BCORL1: variants seen among roughly 807,000 people sequenced by gnomAD.
BCORL1 encodes BCL-6 corepressor-like protein 1.
A neutral mutation model predicts 87.6 loss-of-function variants in BCORL1; 7 were observed. That is an observed-to-expected ratio of 0.08 (90% CI 0.05 to 0.15). BCORL1 has a LOEUF of 0.15. Among genes scored for constraint, BCORL1 ranks in the 10% least tolerant of loss-of-function variants. BCORL1 has a pLI of 1.00. For synonymous variants in BCORL1, 591 were observed against 634.4 expected (o/e 0.93, Z 1.03); for missense variants, 1,215 against 1,499.7 (o/e 0.81, Z 3.13).
In BCORL1 at chrX:130,037,458, G is replaced by A. The variant is rs749106770; in HGVS notation, c.4619G>A (p.Arg1540Gln). Residue 1540 changes from arginine (R) to glutamine (Q), a missense_variant, in exon 10 of 14, where the codon CGG becomes CAG. Transcript: ENST00000540052. ...GYTALHEACSRGWTDILNILL... is the reference protein window; with the variant it reads ...GYTALHEACSQGWTDILNILL... ...ACAGCCCTGCATGAGGCTTGTTCCCGGGGCTGGACCGACATCCTGAACATC... is the reference window on the plus strand; with the variant it reads ...ACAGCCCTGCATGAGGCTTGTTCCCAGGGCTGGACCGACATCCTGAACATC... 9 of 1,209,900 alleles carry A rather than the reference G, an allele frequency of 7.4e-6. No homozygotes were observed. The highest frequency in any genetic ancestry group is 1.0e-5 in the Non-Finnish European group (9 of 895,182).
At chrX:130,036,264 T>G (rs1340644741) in intron 9 of BCORL1, among the ~76,000 whole-genome samples, 1 of 105,710 alleles carries the variant, frequency 9.5e-6, no homozygotes, top group Non-Finnish European at 2.0e-5. Context: ...GGATTATCCT[T>G]TTTTTTTTTT....
Position 130,013,168 on chromosome X carries a change from C to T in BCORL1, c.396C>T (p.Ala132=). ...LKLPASDSAE[A]SNSRADCSWT... ...TTCCCGCATCTGACAGCGCCGAGGC[C>T]AGCAACAGCAGGGCCGACTGCTCCT... is the stretch of plus-strand genomic sequence containing the variant. Residue 132 remains alanine (A), a synonymous_variant, in exon 4 of 14, where the codon GCC becomes GCT. Coordinates refer to ENST00000540052, the MANE Select transcript of BCORL1 (RefSeq NM_001379451.1). The T allele has an allele frequency of 8.3e-7, 1 of 1,212,031 alleles. No individual in the cohort carries two copies. Among genetic ancestry groups the T allele is most frequent in the East Asian group, 3.0e-5 (1 of 33,859 alleles).
chrX:130,038,777 C>T (rs138311029), intron 10 of BCORL1, among the ~76,000 whole-genome samples: 1,263 of 111,665 alleles, frequency 0.011, 16 homozygotes, highest in African/African-American at 0.039. Flanking sequence ...CCACCGCGCC[C>T]GGCTTCCCTG....
chrX:130,051,728 T>G lies in BCORL1; in HGVS notation c.4919-132T>G, dbSNP rs1011987207. The G allele has an allele frequency of 2.0e-5, 12 of 586,477 alleles. No individual in the cohort carries two copies. In the East Asian group the frequency reaches 2.5e-4, roughly 12 times the overall value. The allele number at this position is 586,477 out of a possible 1,213,427, so 48.3% of individuals were successfully genotyped here. A position where few individuals can be genotyped will look rare whatever the true frequency, so the allele number is the denominator to read the frequency against. The stretch of plus-strand genomic sequence containing the variant: ...GGAACCGGCAAACCGCATCCCTGAC[T>G]AGGGGCCTGTGGCCTTGTCATTTAC... On this transcript the variant is annotated intron_variant, in intron 12 of 13. Transcript: ENST00000540052.
chrX:129,980,428 G>A (rs1249312137), upstream of BCORL1, among the ~76,000 whole-genome samples: 2 of 112,795 alleles, frequency 1.8e-5, no homozygotes, highest in Non-Finnish European at 3.8e-5. Flanking sequence ...TGGGGGAACG[G>A]TGCGGCCCTG....
intron 8 of BCORL1, among the ~76,000 whole-genome samples, chrX:130,030,824 T>A (rs183614693): frequency 8.9e-6 from 1 of 112,241 alleles, no homozygotes; most frequent in African/African-American, 3.2e-5. Context: ...GTGGGTCCGC[T>A]GCAGTGTTCT....
intron 7 of BCORL1, among the ~76,000 whole-genome samples, chrX:130,027,699 ATTATC>A (rs1018899560): frequency 8.9e-6 from 1 of 112,256 alleles, no homozygotes; most frequent in Non-Finnish European, 1.9e-5. Context: ...TTTTGCATGT[ATTATC>A]TTATTTAATT....
chrX:130,043,784 A>ATTTT (rs1163098654), intron 11 of BCORL1, among the ~76,000 whole-genome samples: 26 of 15,961 alleles, frequency 1.6e-3, no homozygotes, highest in Non-Finnish European at 1.7e-3. Context: ...ATATATATAT[A>ATTTT]TTTTTTTTTT....
intron 6 of BCORL1, among the ~76,000 whole-genome samples, chrX:130,024,720 G>A (rs1930114478): frequency 9.0e-6 from 1 of 111,554 alleles, no homozygotes; most frequent in South Asian, 3.7e-4. Flanking sequence ...ATGTTGTCTG[G>A]TATATTGGAC....
At chrX:129,980,567 T>TGGACCC (rs1333132988), upstream of BCORL1, among the ~76,000 whole-genome samples, 4 of 111,957 alleles carry the variant, frequency 3.6e-5, no homozygotes, top group Non-Finnish European at 7.6e-5. Flanking sequence ...GGCCGGCACC[T>TGGACCC]GGACCCGGAC....
chrX:129,983,668 G>A (rs1480696446), intron 1 of BCORL1, among the ~76,000 whole-genome samples: 1 of 107,298 alleles, frequency 9.3e-6, no homozygotes, highest in Non-Finnish European at 1.9e-5. Context: ...GGATGACTTC[G>A]GAGCGCCCTG....
At position 130,039,134 on chromosome X, in the gene BCORL1, C is replaced by T. The variant is rs962143621; in HGVS notation, c.4695-3C>T. The T allele has an allele frequency of 8.3e-7, 1 of 1,211,362 alleles. No homozygotes were observed. ...TTATCCTCACCCTGTATCACCTCCA[C>T]AGGCCAGTTCATGATGCGGTGGTCA... On this transcript the variant is annotated splice_region_variant and splice_polypyrimidine_tract_variant and intron_variant, in intron 10 of 13. Coordinates refer to ENST00000540052, the MANE Select transcript of BCORL1 (RefSeq NM_001379451.1).
Position 130,015,511 on chromosome X carries a change from G to T in BCORL1, c.2739G>T (p.Lys913Asn), listed in dbSNP as rs755067383. 8.3e-7 allele frequency: 1 copy of T among 1,211,053 alleles called. No individual in the cohort carries two copies. Among genetic ancestry groups the T allele is most frequent in the Admixed American group, 2.2e-5 (1 of 45,949 alleles). Residue 913 changes from lysine to asparagine, a missense_variant, in exon 4 of 14, where the codon AAG becomes AAT. This residue lies in a region of BCORL1 where 861 missense variants were observed against 1,010.0 expected (regional missense o/e 0.85). Transcript: ENST00000540052. Reference protein sequence around the residue: ...TKNKTCRIAAKPYEEQVNPVL... With the variant: ...TKNKTCRIAANPYEEQVNPVL... Reference sequence around the variant, plus strand: ...ACAAAACTTGCCGGATTGCTGCCAAGCCTTATGAAGAACAAGTCAATCCTG... The same window carrying T: ...ACAAAACTTGCCGGATTGCTGCCAATCCTTATGAAGAACAAGTCAATCCTG...
intron 1 of BCORL1, among the ~76,000 whole-genome samples, chrX:129,997,609 T>G (rs1362116534): frequency 1.8e-5 from 2 of 108,562 alleles, no homozygotes; most frequent in East Asian, 5.8e-4. Context: ...CTGGCCAACA[T>G]GGTGAAACCC....
rs374351637 is a variant in BCORL1, at chrX:130,021,160, G to A, written c.3607+10G>A. The A allele has an allele frequency of 6.2e-5, 74 of 1,196,636 alleles. No individual in the cohort carries two copies. Among genetic ancestry groups the A allele is most frequent in the Middle Eastern group, 2.5e-4 (1 of 4,020 alleles). On this transcript the variant is annotated intron_variant, in intron 5 of 13. Transcript: ENST00000540052. Reference sequence around the variant, plus strand: ...GACAGCCACGAGGAAGGTAGGCCCCGCGGCCCTGGCCCTCTGGGCTGGGCT... The same window carrying A: ...GACAGCCACGAGGAAGGTAGGCCCCACGGCCCTGGCCCTCTGGGCTGGGCT...
At chrX:130,005,438 GTTTCTAATTTTC>G in intron 2 of BCORL1, 121 bp downstream of exon 2, 1 of 628,553 alleles carries the variant, frequency 1.6e-6, no homozygotes, top group Non-Finnish European at 2.5e-6. Flanking sequence ...ACTCTTAGTT[GTTTCTAATTTTC>G]CTGTGGTGGG....
intron 4 of BCORL1, among the ~76,000 whole-genome samples, chrX:130,019,243 G>A (rs1929639795): frequency 8.9e-6 from 1 of 112,334 alleles, no homozygotes; most frequent in Non-Finnish European, 1.9e-5. Context: ...TGGGATTACA[G>A]GCTTGAGCCA....
chrX:130,053,490 T>C (rs2076530231), intron 13 of BCORL1, among the ~76,000 whole-genome samples: 1 of 111,662 alleles, frequency 9.0e-6, no homozygotes, highest in Admixed American at 9.5e-5. Flanking sequence ...CCTCCCTCTC[T>C]GAAACAGGAT....
chrX:130,028,903 G>C (rs200362800), intron 8 of BCORL1, 42 bp downstream of exon 8: 2 of 838,199 alleles, frequency 2.4e-6, no homozygotes, highest in Non-Finnish European at 3.3e-6. Flanking sequence ...TGTGTGTGGC[G>C]GGGGGTCAGA....
Sources: allele counts gnomAD v4.1 joint callset (sites outside exome capture counted in the v4.1 genomes callset), GRCh38; gene constraint gnomAD v4.1.1; regional missense constraint gnomAD v4.1.1; transcripts MANE v1.5; gene names NCBI Gene and HGNC (gene_info 2026-07-23, HGNC 2026-07-21).